Variants in SGMS1 observed in about 807,000 individuals in gnomAD.
SGMS1 encodes the protein sphingomyelin synthase 1, also known as phosphatidylcholine:ceramide cholinephosphotransferase 1.
In SGMS1, 13 loss-of-function variants were observed where a neutral mutation model predicts 46.2. The observed-to-expected ratio is 0.28, with a 90% CI of 0.18 to 0.45. The LOEUF is 0.45. Ranked by LOEUF, SGMS1 falls within the 20% of genes least tolerant of loss-of-function variation. SGMS1 has a pLI of 1.00. For missense variants in SGMS1, 324 were observed against 519.9 expected (o/e 0.62, Z 3.66); for synonymous variants, 203 against 187.8 (o/e 1.08, Z -0.66).
At chr10:50,501,886 A>C (rs1197444820) in intron 3 of SGMS1, among the ~76,000 whole-genome samples, 1 of 152,218 alleles carries the variant, frequency 6.6e-6, no homozygotes, top group Non-Finnish European at 1.5e-5. Flanking sequence ...AAAAACAATT[A>C]AAATTTTAAG....
At chr10:50,584,695 A>C (rs1263809249) in intron 2 of SGMS1, among the ~76,000 whole-genome samples, 1 of 152,128 alleles carries the variant, frequency 6.6e-6, no homozygotes, top group Non-Finnish European at 1.5e-5. Flanking sequence ...CTGCCTCAAA[A>C]GGTGACAAAT....
chr10:50,570,289 A>G (rs1247644506), intron 2 of SGMS1, among the ~76,000 whole-genome samples: 1 of 152,126 alleles, frequency 6.6e-6, no homozygotes, highest in Non-Finnish European at 1.5e-5. Flanking sequence ...CAATTATGCA[A>G]ACATCACTGT....
At chr10:50,508,413 C>T (rs1837725429) in intron 3 of SGMS1, among the ~76,000 whole-genome samples, 1 of 152,190 alleles carries the variant, frequency 6.6e-6, no homozygotes, top group African/African-American at 2.4e-5. Flanking sequence ...ACACAAGCTG[C>T]TTCAGCTCAC....
chr10:50,503,682 C>G (rs1399817008), intron 3 of SGMS1, among the ~76,000 whole-genome samples: 2 of 152,324 alleles, frequency 1.3e-5, no homozygotes, highest in Non-Finnish European at 2.9e-5. Context: ...TTGGTGGTCT[C>G]TTCACACGGA....
At chr10:50,324,757 T>C (rs774603085) in intron 8 of SGMS1, among the ~76,000 whole-genome samples, 4 of 152,170 alleles carry the variant, frequency 2.6e-5, no homozygotes, top group East Asian at 1.9e-4. Context: ...AGAGGAAACA[T>C]AGAGCGACAC....
At position 50,438,752 on chromosome 10, in the gene SGMS1, G is replaced by A. The variant is rs544016481; in HGVS notation, c.-312-5196C>T. Among the ~76,000 whole-genome samples, 106 of 152,214 alleles carry A rather than the reference G, an allele frequency of 7.0e-4. 2 individuals are homozygous for A. The Middle Eastern group carries it at 0.024, about 34-fold the overall frequency. ...AGAAAGAGGAAGCCCCAAGAGCCAGGGTGAGCAATTCTGCCTCTACATTAG... is the reference window on the plus strand; with the variant it reads ...AGAAAGAGGAAGCCCCAAGAGCCAGAGTGAGCAATTCTGCCTCTACATTAG... On this transcript the variant is annotated intron_variant, in intron 5 of 10. Transcript: ENST00000361781.
chr10:50,496,822 A>G (rs1026649036), intron 3 of SGMS1, among the ~76,000 whole-genome samples: 8 of 152,186 alleles, frequency 5.3e-5, no homozygotes, highest in African/African-American at 1.9e-4. Flanking sequence ...TCATCCGCAA[A>G]ATGGTGCCAG....
chr10:50,481,017 T>C (rs1023493815), intron 3 of SGMS1, among the ~76,000 whole-genome samples: 4 of 152,314 alleles, frequency 2.6e-5, no homozygotes, highest in African/African-American at 2.4e-5. Context: ...CTGATCTCCC[T>C]GGGAAGGAGC....
intron 2 of SGMS1, among the ~76,000 whole-genome samples, chr10:50,574,641 TCCAAA>T (rs1429961616): frequency 1.3e-5 from 2 of 152,028 alleles, no homozygotes; most frequent in East Asian, 3.9e-4. Flanking sequence ...TGGGTATATA[TCCAAA>T]AGAACTGAAA....
chr10:50,566,158 A>G (rs7074405), intron 2 of SGMS1, among the ~76,000 whole-genome samples: 68,754 of 152,136 alleles, frequency 0.45, 16,836 homozygotes, highest in East Asian at 0.74. Flanking sequence ...TTTGGCTTTC[A>G]TAAGTGCAGG....
intron 2 of SGMS1, among the ~76,000 whole-genome samples, chr10:50,531,479 C>T (rs1837953017): frequency 1.3e-5 from 2 of 151,992 alleles, no homozygotes; most frequent in Non-Finnish European, 2.9e-5. Context: ...GGTACATAAT[C>T]ACCCACAAGC....
chr10:50,561,776 T>C (rs1838238758), intron 2 of SGMS1, among the ~76,000 whole-genome samples: 1 of 152,204 alleles, frequency 6.6e-6, no homozygotes, highest in South Asian at 2.1e-4. Flanking sequence ...AGAAATATTT[T>C]GCTTTTGGAA....
intron 7 of SGMS1, among the ~76,000 whole-genome samples, chr10:50,337,564 C>T (rs979818950): frequency 2.6e-5 from 4 of 152,090 alleles, no homozygotes; most frequent in African/African-American, 9.7e-5. Context: ...CATAAACTAC[C>T]TTTGGGAACA....
At chr10:50,476,427 A>G (rs892674502) in intron 3 of SGMS1, among the ~76,000 whole-genome samples, 13 of 152,216 alleles carry the variant, frequency 8.5e-5, no homozygotes, top group African/African-American at 3.1e-4. Flanking sequence ...GGTAACAGGC[A>G]GAGGTTAGAA....
intron 6 of SGMS1, among the ~76,000 whole-genome samples, chr10:50,368,281 T>C (rs1589409825): frequency 1.3e-5 from 2 of 152,240 alleles, no homozygotes; most frequent in African/African-American, 4.8e-5. Context: ...TTAAACAGCA[T>C]GTTGTTTTCT....
Position 50,443,865 on chromosome 10 carries a change from G to A in SGMS1, c.-312-10309C>T, listed in dbSNP as rs369541332. On this transcript the variant is annotated intron_variant, in intron 5 of 10. Transcript: ENST00000361781. ...AATGTACAAAGACAATAGCACAACA[G>A]ATGGGGAGAGGCAAATGAAACCATA... 3.9e-5 allele frequency among the ~76,000 whole-genome samples: 6 copies of A among 152,196 alleles called. No homozygotes were observed. The East Asian group carries it at 5.8e-4, about 15-fold the overall frequency.
At chr10:50,491,945 A>G (rs1837571300) in intron 3 of SGMS1, among the ~76,000 whole-genome samples, 1 of 152,248 alleles carries the variant, frequency 6.6e-6, no homozygotes, top group Admixed American at 6.5e-5. Flanking sequence ...CAAATCCAGC[A>G]GCACATCAAG....
At chr10:50,422,013 C>G (rs1849261378) in intron 6 of SGMS1, among the ~76,000 whole-genome samples, 1 of 152,186 alleles carries the variant, frequency 6.6e-6, no homozygotes, top group African/African-American at 2.4e-5. Context: ...CCATTCCAGA[C>G]CACTGAAACC....
At chr10:50,410,388 T>G (rs1261355585) in intron 6 of SGMS1, among the ~76,000 whole-genome samples, 2 of 152,102 alleles carry the variant, frequency 1.3e-5, no homozygotes, top group Admixed American at 6.5e-5. Context: ...TCTTGCAAAT[T>G]TATAAATACA....
Sources: gnomAD v4.1 joint callset for allele counts (sites outside exome capture counted in the v4.1 genomes callset) on GRCh38, gnomAD v4.1.1 for gene constraint, MANE v1.5 for transcripts, NCBI Gene and HGNC (gene_info 2026-07-23, HGNC 2026-07-21) for gene names.